The following PARD3 variants were observed in gnomAD, a reference collection of about 807,000 sequenced individuals.
PARD3 encodes the protein par-3 family cell polarity regulator.
Under a neutral mutation model 155.4 loss-of-function variants are expected in PARD3, and 75 were observed. The ratio of observed to expected loss-of-function variants is 0.48; its 90% CI spans 0.40 to 0.58. The LOEUF (loss-of-function observed/expected upper bound fraction) is 0.58, where lower values mean the gene tolerates loss of function less well. Ranked by LOEUF, PARD3 falls within the 20% of genes least tolerant of loss-of-function variation. PARD3 has a pLI of 0.00. For synonymous variants in PARD3, 576 were observed against 610.5 expected (o/e 0.94, Z 0.83); for missense variants, 1,642 against 1,721.7 (o/e 0.95, Z 0.82).
At chr10:34,236,709 G>A (rs1272313964) in intron 22 of PARD3, among the ~76,000 whole-genome samples, 1 of 152,110 alleles carries the variant, frequency 6.6e-6, no homozygotes, top group Non-Finnish European at 1.5e-5. Flanking sequence ...TTAAACCAAT[G>A]TGAAATTTTC....
At chr10:34,182,742 T>TAAAAAAAA (rs11406207) in intron 22 of PARD3, among the ~76,000 whole-genome samples, 1 of 133,382 alleles carries the variant, frequency 7.5e-6, no homozygotes. Context: ...CTACATTTCT[T>TAAAAAAAA]AAAAAAAAAA....
At chr10:34,708,900 G>A (rs1205598245) in intron 1 of PARD3, among the ~76,000 whole-genome samples, 1 of 152,088 alleles carries the variant, frequency 6.6e-6, no homozygotes, top group Non-Finnish European at 1.5e-5. Flanking sequence ...ATTCTTAATT[G>A]TCCATGTGAT....
chr10:34,645,329 C>T (rs1228520676), intron 2 of PARD3, among the ~76,000 whole-genome samples: 1 of 152,038 alleles, frequency 6.6e-6, no homozygotes, highest in Non-Finnish European at 1.5e-5. Context: ...CCTCAGCCTC[C>T]CCAGTAGCTG....
At chr10:34,722,134 A>T (rs1227015958) in intron 1 of PARD3, among the ~76,000 whole-genome samples, 2 of 152,214 alleles carry the variant, frequency 1.3e-5, no homozygotes, top group Non-Finnish European at 2.9e-5. Flanking sequence ...TCAAGGCTGC[A>T]GTGAGACATG....
intron 1 of PARD3, among the ~76,000 whole-genome samples, chr10:34,770,199 C>G (rs1358072372): frequency 6.6e-6 from 1 of 152,204 alleles, no homozygotes; most frequent in Non-Finnish European, 1.5e-5. Flanking sequence ...ACCATGCCCA[C>G]ACATCTGTCC....
intron 2 of PARD3, among the ~76,000 whole-genome samples, chr10:34,615,359 A>C (rs1398380860): frequency 6.6e-6 from 1 of 152,222 alleles, no homozygotes; most frequent in Admixed American, 6.5e-5. Flanking sequence ...CAAAAAGAAC[A>C]TACATACAGT....
intron 7 of PARD3, among the ~76,000 whole-genome samples, chr10:34,396,802 C>T (rs904615765): frequency 1.3e-5 from 2 of 151,992 alleles, no homozygotes; most frequent in Non-Finnish European, 2.9e-5. Flanking sequence ...TTAATTTCTT[C>T]CTTCCTGCTA....
rs780749319 is a variant in PARD3 at position 34,310,184 on chromosome 10, T to C, written c.3065+6923A>G. On this transcript the variant is annotated intron_variant, in intron 20 of 24. Coordinates refer to ENST00000374788, the MANE Select transcript of PARD3 (RefSeq NM_001184785.2). ...TCTATTATATTTAATGTAAACAATATGGAACCTTAATGGTAACAAGTAAAA... is the reference window on the plus strand; with the variant it reads ...TCTATTATATTTAATGTAAACAATACGGAACCTTAATGGTAACAAGTAAAA... 1.8e-4 allele frequency among the ~76,000 whole-genome samples: 28 copies of C among 152,306 alleles called. 1 individual carries two copies. The highest frequency in any genetic ancestry group is 4.6e-4 in the Admixed American group (7 of 15,298).
intron 21 of PARD3, among the ~76,000 whole-genome samples, chr10:34,283,016 T>C (rs1222568078): frequency 6.6e-6 from 1 of 152,054 alleles, no homozygotes; most frequent in African/African-American, 2.4e-5. Context: ...TTTTCTACCC[T>C]GAAAAGCTAC....
intron 2 of PARD3, among the ~76,000 whole-genome samples, chr10:34,628,014 T>C (rs1412921788): frequency 2.0e-5 from 3 of 152,006 alleles, no homozygotes; most frequent in African/African-American, 7.3e-5. Flanking sequence ...AGGTGCTGAG[T>C]TTACACGTTG....
intron 3 of PARD3, among the ~76,000 whole-genome samples, chr10:34,484,701 C>T (rs1014525984): frequency 2.0e-5 from 3 of 152,184 alleles, no homozygotes; most frequent in Non-Finnish European, 4.4e-5. Context: ...AGCACTTCAG[C>T]GTGATCCTGC....
intron 22 of PARD3, among the ~76,000 whole-genome samples, chr10:34,193,114 A>G (rs1204555478): frequency 1.3e-5 from 2 of 152,232 alleles, no homozygotes; most frequent in African/African-American, 4.8e-5. Flanking sequence ...TTTCCACTGA[A>G]GTATCTAATT....
chr10:34,325,071 G>A (rs570649028), intron 19 of PARD3, among the ~76,000 whole-genome samples: 7 of 152,086 alleles, frequency 4.6e-5, no homozygotes, highest in Admixed American at 2.0e-4. Flanking sequence ...GTGTAGTGGC[G>A]TGATCTTGGC....
rs1003603937 is a variant in PARD3, at chr10:34,814,062, C to G, written c.120+814G>C. Among the ~76,000 whole-genome samples the G allele has an allele frequency of 2.6e-5, 4 of 152,196 alleles. No homozygotes were observed. The South Asian group carries it at 8.3e-4, about 32-fold the overall frequency. On this transcript the variant is annotated intron_variant, in intron 1 of 24. Coordinates refer to ENST00000374788, the MANE Select transcript of PARD3 (RefSeq NM_001184785.2). ...ACTCAACTCCCAAGTCAGGCCCGGCCCCGCAGCCCAGCCACATGGAACCAG... is the reference window on the plus strand; with the variant it reads ...ACTCAACTCCCAAGTCAGGCCCGGCGCCGCAGCCCAGCCACATGGAACCAG...
In PARD3 at chr10:34,218,199, A is replaced by G. The variant is rs144695198; in HGVS notation, c.3419+51458T>C. Among the ~76,000 whole-genome samples the G allele has an allele frequency of 3.8e-3, 577 of 152,284 alleles. 2 individuals are homozygous for G. The highest frequency in any genetic ancestry group is 0.013 in the African/African-American group (546 of 41,550). On this transcript the variant is annotated intron_variant, in intron 22 of 24. Coordinates refer to ENST00000374788, the MANE Select transcript of PARD3 (RefSeq NM_001184785.2). ...ATGCTCTGAATCTCAGGACTTCTCAACCCATTAGACTCTATTCTGGAAAAT... is the reference window on the plus strand; with the variant it reads ...ATGCTCTGAATCTCAGGACTTCTCAGCCCATTAGACTCTATTCTGGAAAAT...
chr10:34,125,713 C>T (rs1003539825), intron 23 of PARD3, among the ~76,000 whole-genome samples: 17 of 152,100 alleles, frequency 1.1e-4, no homozygotes, highest in Non-Finnish European at 2.1e-4. Context: ...CATTGAATGA[C>T]GGACAGCTAG....
intron 20 of PARD3, among the ~76,000 whole-genome samples, chr10:34,301,258 G>T (rs952252672): frequency 1.3e-5 from 2 of 152,172 alleles, no homozygotes; most frequent in African/African-American, 4.8e-5. Context: ...AATAGGTCCA[G>T]TTGACACCTA....
intron 7 of PARD3, among the ~76,000 whole-genome samples, chr10:34,398,262 T>G (rs190003695): frequency 2.0e-5 from 3 of 152,140 alleles, no homozygotes; most frequent in African/African-American, 7.2e-5. Context: ...AAGAAAGTAC[T>G]ACCATTGTTC....
At chr10:34,128,845 G>C (rs1947435126) in intron 23 of PARD3, among the ~76,000 whole-genome samples, 2 of 152,222 alleles carry the variant, frequency 1.3e-5, no homozygotes, top group South Asian at 4.1e-4. Context: ...TCTCAAAGTT[G>C]AACTTGTTTC....
Sources: allele counts gnomAD v4.1 joint callset (sites outside exome capture counted in the v4.1 genomes callset), GRCh38; gene constraint gnomAD v4.1.1; transcripts MANE v1.5; gene names NCBI Gene and HGNC (gene_info 2026-07-23, HGNC 2026-07-21).